ATP1A4: variants seen among roughly 807,000 people sequenced by gnomAD.
ATP1A4 encodes the protein sodium/potassium-transporting ATPase subunit alpha-4.
Under a neutral mutation model 114.3 loss-of-function variants are expected in ATP1A4, and 90 were observed. The observed-to-expected ratio is 0.79, with a 90% confidence interval of 0.66 to 0.94. The LOEUF is 0.94. Ranked by LOEUF, ATP1A4 falls within the 40% of genes least tolerant of loss-of-function variation. ATP1A4 has a pLI of 0.00. For synonymous variants in ATP1A4, 511 were observed against 494.1 expected (o/e 1.03, Z -0.45); for missense variants, 1,222 against 1,313.6 (o/e 0.93, Z 1.08).
Position 160,186,330 on chromosome 1 carries a change from T to C in ATP1A4, c.3024T>C (p.Asp1008=), listed in dbSNP as rs768745501. 1 of 1,613,844 alleles carries C rather than the reference T, an allele frequency of 6.2e-7. No homozygotes were observed. Among genetic ancestry groups the C allele is most frequent in the Non-Finnish European group, 8.5e-7 (1 of 1,179,962 alleles). Residue 1008 remains aspartate, a synonymous_variant, in exon 21 of 22, where the codon GAT becomes GAC. Transcript: ENST00000368081. Reference sequence around the variant, plus strand: ...ACAGTATTCTCATCTTCGTCTATGATGAAATCAGAAAACTCCTCATCCGTC... The same window carrying C: ...ACAGTATTCTCATCTTCGTCTATGACGAAATCAGAAAACTCCTCATCCGTC... ...IPYSILIFVY[D]EIRKLLIRQH...
At chr1:160,172,123 G>T (rs555484266) in intron 12 of ATP1A4, among the ~76,000 whole-genome samples, 1 of 152,154 alleles carries the variant, frequency 6.6e-6, no homozygotes, top group Admixed American at 6.5e-5. Flanking sequence ...ACCAACGTGC[G>T]TGCAGATCCC....
In ATP1A4 at chr1:160,159,449, G is replaced by A. The variant is rs1397016742; in HGVS notation, c.701G>A (p.Ser234Asn). 6.2e-7 allele frequency: 1 copy of A among 1,613,972 alleles called. No individual in the cohort carries two copies. The highest frequency in any genetic ancestry group is 1.7e-5 in the Admixed American group (1 of 59,980). The change falls in exon 6 of 22, where the codon AGC becomes AAC. Residue 234 changes from serine to asparagine, a missense_variant. Transcript: ENST00000368081. ...TTGACTGGGGAGTCAGAACCCCAGA[G>A]CCGCTCCCCTGACTTCACCCATGAG... ...SSLTGESEPQ[S>N]RSPDFTHENP...
chr1:160,161,992 G>C (rs1251417068), intron 6 of ATP1A4, among the ~76,000 whole-genome samples: 1 of 152,188 alleles, frequency 6.6e-6, no homozygotes, highest in Non-Finnish European at 1.5e-5. Context: ...AGAAGAAAGA[G>C]AAAGAAACTA....
intron 14 of ATP1A4, 84 bp from the exon 15 acceptor site, chr1:160,174,495 G>A (rs1319313747): frequency 2.8e-5 from 44 of 1,543,978 alleles, no homozygotes; most frequent in Non-Finnish European, 3.7e-5. Context: ...GGAAACAAGG[G>A]ATGCAGAAAG....
At position 160,151,985 on chromosome 1, in the gene ATP1A4, ACTCT is replaced by A; in HGVS notation, c.-52_-49del. 2 of 1,567,122 alleles carry A rather than the reference ACTCT, an allele frequency of 1.3e-6. No homozygotes were observed. The highest frequency in any genetic ancestry group is 2.4e-5 in the South Asian group (2 of 84,182). On this transcript the variant is annotated 5_prime_UTR_variant, in exon 1 of 22. Coordinates refer to ENST00000368081, the MANE Select transcript of ATP1A4 (RefSeq NM_144699.4). Reference sequence around the variant, plus strand: ...CGCCCTCTTCCCTTCCCCTTGCCTCACTCTCTCAGCTTTCTTCCCACAGTTGAGC... The same window carrying A: ...CGCCCTCTTCCCTTCCCCTTGCCTCACTCAGCTTTCTTCCCACAGTTGAGC...
At chr1:160,174,873 T>A (rs1653407668) in intron 15 of ATP1A4, 126 bp downstream of exon 15, 1 of 1,447,288 alleles carries the variant, frequency 6.9e-7, no homozygotes, top group Admixed American at 2.5e-5. Flanking sequence ...CAGAAGAAAA[T>A]CACTGTAAGA....
chr1:160,171,554 A>T (rs758878040), intron 11 of ATP1A4, 31 bp from the exon 12 acceptor site: 11 of 1,606,894 alleles, frequency 6.8e-6, no homozygotes, highest in Admixed American at 1.7e-5. Context: ...GTGCTGGATG[A>T]CTACTGGTCC....
chr1:160,174,131 T>C lies in ATP1A4; in HGVS notation c.2012T>C (p.Val671Ala), dbSNP rs1653364680. ...VDASAAKAIV[V>A]HGAELKDIQS... Reference sequence around the variant, plus strand: ...CTCAGTGCTGCCAAAGCCATTGTGGTGCATGGTGCAGAACTGAAGGACATA... The same window carrying C: ...CTCAGTGCTGCCAAAGCCATTGTGGCGCATGGTGCAGAACTGAAGGACATA... Residue 671 changes from valine (V) to alanine (A), a missense_variant, in exon 14 of 22, where the codon GTG becomes GCG. By Grantham distance (64) the Val-to-Ala change is moderately conservative (BLOSUM62 0). Coordinates refer to ENST00000368081, the MANE Select transcript of ATP1A4 (RefSeq NM_144699.4). 1.2e-6 allele frequency: 2 copies of C among 1,613,972 alleles called. No homozygotes were observed. Among genetic ancestry groups the C allele is most frequent in the African/African-American group, 1.3e-5 (1 of 74,894 alleles).
At chr1:160,156,281 G>A (rs1417067156) in intron 4 of ATP1A4, 123 bp downstream of exon 4, 7 of 687,872 alleles carry the variant, frequency 1.0e-5, no homozygotes, top group Non-Finnish European at 1.8e-5. Context: ...GGTGATGAGG[G>A]GGTCAAGGTA....
chr1:160,162,989 T>C (rs1374381554), intron 6 of ATP1A4, among the ~76,000 whole-genome samples: 1 of 152,204 alleles, frequency 6.6e-6, no homozygotes, highest in Non-Finnish European at 1.5e-5. Flanking sequence ...CTAGAAGACC[T>C]TTATTTGTAT....
chr1:160,156,001 A>T, intron 3 of ATP1A4, 44 bp from the exon 4 acceptor site: 2 of 1,197,614 alleles, frequency 1.7e-6, no homozygotes, highest in Non-Finnish European at 2.5e-6. Flanking sequence ...GATGAAGAAG[A>T]CGACAAGGTC....
chr1:160,169,675 G>A (rs577904566), intron 10 of ATP1A4: 2 of 152,150 alleles, frequency 1.3e-5, no homozygotes, highest in East Asian at 1.9e-4. Context: ...CTCAACAGGC[G>A]ACCTAGCGGG....
At position 160,167,429 on chromosome 1, in the gene ATP1A4, G is replaced by C. The variant is rs763920796; in HGVS notation, c.1491+17G>C. On this transcript the variant is annotated intron_variant, in intron 10 of 21. Coordinates refer to ENST00000368081, the MANE Select transcript of ATP1A4 (RefSeq NM_144699.4). ...AAGTACCAGGTACAGAACCCACAAA[G>C]GTAGGAGAATGGTGGTGGGGGGATG... 1.1e-5 allele frequency: 17 copies of C among 1,609,550 alleles called. No individual in the cohort carries two copies. The highest frequency in any genetic ancestry group is 1.3e-5 in the African/African-American group (1 of 74,546).
intron 1 of ATP1A4, 142 bp downstream of exon 1, chr1:160,152,329 TA>T (rs35726220): frequency 0.21 from 141,922 of 669,738 alleles, 413 homozygotes; most frequent in East Asian, 0.27. Context: ...AGGAGAGGGT[TA>T]AAAAAAAAAA....
In ATP1A4 at chr1:160,176,594, G is replaced by A. The variant is rs771303461; in HGVS notation, c.2582G>A (p.Gly861Glu). The A allele has an allele frequency of 6.2e-7, 1 of 1,614,044 alleles. No individual in the cohort carries two copies. Among genetic ancestry groups the A allele is most frequent in the South Asian group, 1.1e-5 (1 of 91,064 alleles). The change falls in exon 17 of 22, where the codon GGA (glycine) becomes GAA (glutamate). Residue 861 changes from glycine (G) to glutamate (E), a missense_variant. By Grantham distance (98) the Gly-to-Glu change is moderately conservative. Transcript: ENST00000368081. ...VNHRLIGMAY[G>E]QIGMIQALAG... Reference sequence around the variant, plus strand: ...CACCGTCTCATTGGCATGGCCTATGGACAGATTGGTGCGCCCAGAGGAATG... The same window carrying A: ...CACCGTCTCATTGGCATGGCCTATGAACAGATTGGTGCGCCCAGAGGAATG...
At chr1:160,167,445 T>C (rs558629178) in intron 10 of ATP1A4, 33 bp downstream of exon 10, 2 of 1,607,790 alleles carry the variant, frequency 1.2e-6, no homozygotes, top group Non-Finnish European at 8.5e-7. Flanking sequence ...AGAATGGTGG[T>C]GGGGGGATGG....
chr1:160,158,201 G>A (rs868489461), intron 4 of ATP1A4, among the ~76,000 whole-genome samples: 13 of 152,096 alleles, frequency 8.5e-5, no homozygotes, highest in Admixed American at 2.6e-4. Flanking sequence ...CCTCAGCTGG[G>A]GCTGGATGGT....
At chr1:160,182,263 C>A (rs1653733174) in intron 20 of ATP1A4, among the ~76,000 whole-genome samples, 1 of 152,158 alleles carries the variant, frequency 6.6e-6, no homozygotes, top group Non-Finnish European at 1.5e-5. Flanking sequence ...ACAAATTTAG[C>A]AGACTTACCA....
At chr1:160,165,635 C>CAT in intron 7 of ATP1A4, among the ~76,000 whole-genome samples, 1 of 152,068 alleles carries the variant, frequency 6.6e-6, no homozygotes, top group East Asian at 1.9e-4. Context: ...TGGTGGCTGG[C>CAT]GCCTGTAGTC....
Sources: gnomAD v4.1 joint callset for allele counts (sites outside exome capture counted in the v4.1 genomes callset) on GRCh38, gnomAD v4.1.1 for gene constraint, MANE v1.5 for transcripts, NCBI Gene and HGNC (gene_info 2026-07-23, HGNC 2026-07-21) for gene names.